Variants in FBN3 observed in about 807,000 individuals in gnomAD.
The protein encoded by FBN3 is fibrillin-3.
In FBN3, 234 loss-of-function variants were observed where a neutral mutation model predicts 330.1. That is an observed-to-expected ratio of 0.71 (90% CI 0.64 to 0.79). FBN3 has a LOEUF of 0.79. FBN3 is among the 30% of genes least tolerant of loss of function. FBN3 has a pLI of 0.00. For missense variants in FBN3, 3,606 were observed against 3,886.9 expected, an observed-to-expected ratio of 0.93 and a Z score of 1.92; for synonymous variants, 1,458 against 1,517.3, an observed-to-expected ratio of 0.96 and a Z score of 0.91.
chr19:8,145,305 C>T (rs2083506625), intron 5 of FBN3, among the ~76,000 whole-genome samples: 1 of 136,152 alleles, frequency 7.3e-6, no homozygotes, highest in Admixed American at 8.5e-5. Context: ...ACCTGGGAGG[C>T]GGAGGTTGCA....
In FBN3 at chr19:8,118,949, C is replaced by T. The variant is rs139166471; in HGVS notation, c.3285G>A (p.Lys1095=). The change falls in exon 26 of 64, where the codon AAG becomes AAA. Residue 1095 remains lysine, a synonymous_variant. Coordinates refer to ENST00000600128, the MANE Select transcript of FBN3 (RefSeq NM_032447.5). ...GTCTNTDGSY[K]CQCPPGHELT... ...GCTCATGCCCAGGGGGACACTGGCA[C>T]TTGTAGCTCCCATCCGTGTTGGTGC... 479 of 1,613,364 alleles carry T rather than the reference C, an allele frequency of 3.0e-4. 1 individual carries two copies. In the African/African-American group the frequency reaches 5.6e-3, roughly 19 times the overall value.
At chr19:8,143,498 T>TC (rs1473986480) in intron 6 of FBN3, among the ~76,000 whole-genome samples, 1 of 38,336 alleles carries the variant, frequency 2.6e-5, no homozygotes, top group East Asian at 7.8e-4. Context: ...TTTTCTTTTC[T>TC]TTTTTTTTTT....
At chr19:8,095,057 A>G (rs1041158363) in intron 46 of FBN3, among the ~76,000 whole-genome samples, 6 of 151,904 alleles carry the variant, frequency 3.9e-5, no homozygotes, top group Admixed American at 6.6e-5. Flanking sequence ...CTGCATCCTC[A>G]AACTCCTGGG....
rs1415909688 is a variant in FBN3 at position 8,094,579 on chromosome 19, GAAGA to G, written c.5786-18_5786-15del. ...ACTCATTGGTGTCTGTGAAAAGGAG[GAAGA>G]AAGGTCCTTGTGCCAGCCAGGATGC... is the stretch of plus-strand genomic sequence containing the variant. On this transcript the variant is annotated splice_polypyrimidine_tract_variant and intron_variant, in intron 46 of 63. Coordinates refer to ENST00000600128, the MANE Select transcript of FBN3 (RefSeq NM_032447.5). 1 of 1,610,858 alleles carries G rather than the reference GAAGA, an allele frequency of 6.2e-7. No individual in the cohort carries two copies. The highest frequency in any genetic ancestry group is 8.5e-7 in the Non-Finnish European group (1 of 1,178,032).
Position 8,147,438 on chromosome 19 carries a change from G to A in FBN3, c.43C>T (p.Arg15Trp), listed in dbSNP as rs751942669. Residue 15 changes from arginine to tryptophan, a missense_variant, in exon 2 of 64, where the codon CGG becomes TGG. Transcript: ENST00000600128. ...GLYLARGPLA[R>W]LLLAWSALLC... ...AGGGCCGACCAGGCCAGCAGGAGCC[G>A]GGCCAGGGGGCCCCTTGCCAAATAC... 3.1e-5 allele frequency: 48 copies of A among 1,569,498 alleles called. No homozygotes were observed. The highest frequency in any genetic ancestry group is 1.1e-4 in the African/African-American group (8 of 73,708).
chr19:8,126,807 CG>C lies in FBN3; in HGVS notation c.2321del (p.Pro774ArgfsTer3). The C allele has an allele frequency of 1.3e-6, 2 of 1,578,166 alleles. No homozygotes were observed. The highest frequency in any genetic ancestry group is 1.7e-6 in the Non-Finnish European group (2 of 1,165,838). ...GGTTCCGACAGACGCCACTCACACA[CG>C]GGCTGGACAGGCATTCGTCGACATC... The part of the protein sequence containing the change: ...CKDVDECLSS[P>X]CVSGVCRNLA... On this transcript the variant is annotated frameshift_variant, in exon 19 of 64. Coordinates refer to ENST00000600128, the MANE Select transcript of FBN3 (RefSeq NM_032447.5). LOFTEE classifies it high-confidence loss of function.
chr19:8,145,831 G>A lies in FBN3; in HGVS notation c.445+12C>T, dbSNP rs1256437958. 11 of 1,545,848 alleles carry A rather than the reference G, an allele frequency of 7.1e-6. No homozygotes were observed. Among genetic ancestry groups the A allele is most frequent in the Non-Finnish European group, 9.6e-6 (11 of 1,142,298 alleles). On this transcript the variant is annotated intron_variant, in intron 5 of 63. Coordinates refer to ENST00000600128, the MANE Select transcript of FBN3 (RefSeq NM_032447.5). ...AGGTGTGCAAAGAGGGGAGTCCCAT[G>A]GGGATACTCACGCTGCCCACACACG...
rs752031144 is a variant in FBN3, at chr19:8,132,978, G to T, written c.1714+6C>A. 1 of 1,548,972 alleles carries T rather than the reference G, an allele frequency of 6.5e-7. No individual in the cohort carries two copies. Among genetic ancestry groups the T allele is most frequent in the Non-Finnish European group, 8.7e-7 (1 of 1,150,796 alleles). On this transcript the variant is annotated splice_donor_region_variant and intron_variant, in intron 14 of 63. Transcript: ENST00000600128. ...CCTCCGCTGGCCAGTCTGGCTCCAGGCTCACCCATGCAGTAGTGGCCGCCA... is the reference window on the plus strand; with the variant it reads ...CCTCCGCTGGCCAGTCTGGCTCCAGTCTCACCCATGCAGTAGTGGCCGCCA...
chr19:8,093,365 TG>T (rs1399587678), intron 47 of FBN3, among the ~76,000 whole-genome samples: 3 of 152,228 alleles, frequency 2.0e-5, no homozygotes, highest in Admixed American at 2.0e-4. Flanking sequence ...GGCTCATGCC[TG>T]TAATCCCAGC....
chr19:8,094,964 T>C (rs1281127133), intron 46 of FBN3, among the ~76,000 whole-genome samples: 1 of 152,218 alleles, frequency 6.6e-6, no homozygotes, highest in Non-Finnish European at 1.5e-5. Context: ...GCTGATTTTA[T>C]AATTATTTTA....
chr19:8,144,100 C>T (rs564978776), intron 6 of FBN3, among the ~76,000 whole-genome samples: 9 of 151,882 alleles, frequency 5.9e-5, no homozygotes, highest in Admixed American at 1.3e-4. Context: ...CTATCTTAGC[C>T]GTCTTAAAAA....
At chr19:8,103,175 G>A (rs1030032297) in intron 39 of FBN3, among the ~76,000 whole-genome samples, 4 of 150,566 alleles carry the variant, frequency 2.7e-5, no homozygotes, top group Non-Finnish European at 4.4e-5. Context: ...GCTGAGGCAG[G>A]AGAATCGCTT....
intron 48 of FBN3, 131 bp from the exon 49 acceptor site, chr19:8,090,382 ATGC>A: frequency 2.0e-6 from 2 of 976,106 alleles, no homozygotes; most frequent in Non-Finnish European, 3.0e-6. Context: ...AGAACATGCC[ATGC>A]CCCTGGTCAT....
chr19:8,114,437 C>T (rs1474785263), intron 30 of FBN3, among the ~76,000 whole-genome samples: 11 of 152,144 alleles, frequency 7.2e-5, no homozygotes, highest in African/African-American at 1.4e-4. Context: ...TTAGTAGTGA[C>T]GGGGTTTCAC....
At chr19:8,126,162 C>T (rs995655599) in intron 21 of FBN3, 135 bp downstream of exon 21, 12 of 1,423,648 alleles carry the variant, frequency 8.4e-6, no homozygotes, top group Non-Finnish European at 1.2e-5. Flanking sequence ...GGCCTGGGGA[C>T]CAGGTAGGGA....
rs1473478191 is a variant in FBN3, at chr19:8,131,653, G to A, written c.1891C>T (p.Arg631Cys). Residue 631 changes from arginine (R) to cysteine (C), a missense_variant, in exon 15 of 64, where the codon CGC (arginine) becomes TGC (cysteine). By Grantham distance (180) the Arg-to-Cys change is radical (BLOSUM62 -3). Transcript: ENST00000600128. This position sits in a 1 kb window ranked among gnomAD's most constrained non-coding sequence, Gnocchi z 4.5. The stretch of plus-strand genomic sequence containing the variant: ...TTGGTGACAGTGCCAGGGAAGGGGC[G>A]GGCACAGGAGCCCTTCTCGATGGCC... ...YGAIEKGSCA[R>C]PFPGTVTKSE... 11 of 1,614,092 alleles carry A rather than the reference G, an allele frequency of 6.8e-6. No individual in the cohort carries two copies. Among genetic ancestry groups the A allele is most frequent in the African/African-American group, 2.7e-5 (2 of 74,956 alleles).
intron 3 of FBN3, among the ~76,000 whole-genome samples, chr19:8,146,621 G>A (rs1005044642): frequency 7.4e-6 from 1 of 134,464 alleles, no homozygotes; most frequent in Non-Finnish European, 1.6e-5. Context: ...CAAACAGAGA[G>A]AGACTCAGAG....
chr19:8,100,879 A>G (rs764258616), intron 41 of FBN3, 22 bp downstream of exon 41: 20 of 1,608,144 alleles, frequency 1.2e-5, no homozygotes, highest in Non-Finnish European at 1.6e-5. Context: ...GCCCAGGGAT[A>G]GAGCAGGGAC....
At chr19:8,134,783 C>T (rs943385196) in intron 13 of FBN3, among the ~76,000 whole-genome samples, 3 of 150,718 alleles carry the variant, frequency 2.0e-5, no homozygotes, top group Non-Finnish European at 4.5e-5. Context: ...AAAATACAAA[C>T]GTTAGCCGGG....
Sources: allele counts gnomAD v4.1 joint callset (sites outside exome capture counted in the v4.1 genomes callset), GRCh38; gene constraint gnomAD v4.1.1; non-coding constraint Gnocchi (gnomAD v3.1); transcripts MANE v1.5; gene names NCBI Gene and HGNC (gene_info 2026-07-23, HGNC 2026-07-21).